Variants in PHF24 observed in about 807,000 individuals in gnomAD.
PHF24 encodes Galpha inhibitory interacting protein.
A neutral mutation model predicts 42.6 loss-of-function variants in PHF24; 25 were observed. The ratio of observed to expected loss-of-function variants is 0.59; its 90% confidence interval spans 0.43 to 0.82. PHF24 has a LOEUF of 0.82. PHF24 is among the 40% of genes least tolerant of loss of function. The pLI, the probability that PHF24 is intolerant of heterozygous loss-of-function variation, is 0.00. For missense variants in PHF24, 470 were observed against 538.1 expected (o/e 0.87, Z 1.25); for synonymous variants, 185 against 204.8 (o/e 0.90, Z 0.83).
At chr9:34,960,915 G>A (rs1457384170) in intron 1 of PHF24, among the ~76,000 whole-genome samples, 2 of 152,204 alleles carry the variant, frequency 1.3e-5, no homozygotes, top group African/African-American at 4.8e-5. Context: ...GGAAATAAAA[G>A]GGGAGAGAAC....
chr9:34,702,504 TTC>T, the PHF24 span, among the ~76,000 whole-genome samples: 1 of 152,216 alleles, frequency 6.6e-6, no homozygotes, highest in African/African-American at 2.4e-5. Flanking sequence ...GTAACAGACT[TTC>T]TCTGGGGTGT....
At chr9:34,976,728 G>T (rs371210263) in exon 5 of PHF24, 4 of 1,613,498 alleles carry the variant, frequency 2.5e-6, no homozygotes, top group Non-Finnish European at 3.4e-6. Flanking sequence ...TTCTGCAGCA[G>T]TTGCGTCCCC....
the PHF24 span, among the ~76,000 whole-genome samples, chr9:34,890,501 G>T: frequency 2.0e-5 from 3 of 152,190 alleles, no homozygotes; most frequent in Non-Finnish European, 2.9e-5. Context: ...TGGGCATGGG[G>T]TACTGCTATG....
At chr9:34,768,887 G>A in the PHF24 span, among the ~76,000 whole-genome samples, 1 of 149,062 alleles carries the variant, frequency 6.7e-6, no homozygotes, top group African/African-American at 2.5e-5. Flanking sequence ...ACTACTACTA[G>A]TAGGTGGGGG....
chr9:34,847,307 G>A, the PHF24 span, among the ~76,000 whole-genome samples: 1 of 152,092 alleles, frequency 6.6e-6, no homozygotes, highest in Non-Finnish European at 1.5e-5. Context: ...CCTTGAAGAG[G>A]TCCTTCACAT....
chr9:34,737,966 T>G, the PHF24 span, among the ~76,000 whole-genome samples: 1 of 151,990 alleles, frequency 6.6e-6, no homozygotes, highest in Non-Finnish European at 1.5e-5. Flanking sequence ...GCTTTTTTTT[T>G]TTTTCCTCAG....
chr9:34,934,157 A>G, the PHF24 span, among the ~76,000 whole-genome samples: 2 of 152,198 alleles, frequency 1.3e-5, no homozygotes, highest in Admixed American at 1.3e-4. Flanking sequence ...CACTGGGAGT[A>G]AGAGAGTTGC....
At chr9:34,802,216 C>G in the PHF24 span, among the ~76,000 whole-genome samples, 2 of 152,194 alleles carry the variant, frequency 1.3e-5, no homozygotes, top group Admixed American at 1.3e-4. Flanking sequence ...CTCTGGAGAC[C>G]TTCCCCTGCT....
chr9:34,895,610 A>C, the PHF24 span: 2 of 399,242 alleles, frequency 5.0e-6, no homozygotes, highest in Non-Finnish European at 4.4e-6. Flanking sequence ...TACCAAGCTT[A>C]ATTTTTGGCA....
the PHF24 span, among the ~76,000 whole-genome samples, chr9:34,830,009 G>C: frequency 6.6e-6 from 1 of 152,226 alleles, no homozygotes; most frequent in Non-Finnish European, 1.5e-5. Flanking sequence ...GACTGGGTCA[G>C]AAATGTGGCT....
chr9:34,691,022 C>G, the PHF24 span: 15 of 1,367,058 alleles, frequency 1.1e-5, no homozygotes, highest in African/African-American at 1.4e-5. Flanking sequence ...GCCAAGCAAT[C>G]TGAGATCTAG....
the PHF24 span, among the ~76,000 whole-genome samples, chr9:34,825,705 G>T: frequency 6.6e-6 from 1 of 151,864 alleles, no homozygotes; most frequent in South Asian, 2.1e-4. Flanking sequence ...ACATAAGTGT[G>T]TTTTTCTTGA....
chr9:34,917,140 G>A, the PHF24 span: 19 of 992,274 alleles, frequency 1.9e-5, no homozygotes, highest in South Asian at 1.3e-4. Flanking sequence ...TACCTTTACC[G>A]GCCCGTCTGC....
chr9:34,864,625 C>G, the PHF24 span, among the ~76,000 whole-genome samples: 1 of 152,132 alleles, frequency 6.6e-6, no homozygotes, highest in African/African-American at 2.4e-5. Flanking sequence ...AACACCAGAC[C>G]TGTCCTGCAA....
exon 4 of PHF24, chr9:34,976,152 GACA>G (rs1164588064): frequency 1.9e-6 from 3 of 1,613,402 alleles, no homozygotes; most frequent in East Asian, 2.2e-5. Flanking sequence ...TTATTTTCAG[GACA>G]ACATCAACTT....
chr9:34,917,364 G>A, the PHF24 span: 1 of 786,164 alleles, frequency 1.3e-6, no homozygotes, highest in South Asian at 1.3e-5. Context: ...GAATTTTGAT[G>A]GCTCTATAGT....
At chr9:34,830,706 T>TCAG in the PHF24 span, among the ~76,000 whole-genome samples, 1 of 152,114 alleles carries the variant, frequency 6.6e-6, no homozygotes, top group East Asian at 1.9e-4. Flanking sequence ...TAGGAACATC[T>TCAG]TGGTATGGCA....
the PHF24 span, among the ~76,000 whole-genome samples, chr9:34,745,026 G>T: frequency 6.6e-6 from 1 of 152,152 alleles, no homozygotes; most frequent in Non-Finnish European, 1.5e-5. Context: ...TAACTAGAAG[G>T]CTTGGGCGGA....
At chr9:34,848,740 T>G in the PHF24 span, among the ~76,000 whole-genome samples, 1 of 152,002 alleles carries the variant, frequency 6.6e-6, no homozygotes, top group Non-Finnish European at 1.5e-5. Context: ...GGGCATTTAG[T>G]GCTATAAATT....
Sources: allele counts gnomAD v4.1 joint callset (sites outside exome capture counted in the v4.1 genomes callset), GRCh38; gene constraint gnomAD v4.1.1; transcripts MANE v1.5; gene names NCBI Gene and HGNC (gene_info 2026-07-23, HGNC 2026-07-21).